Variants in HERC2 observed in about 807,000 individuals in gnomAD.
HERC2 encodes E3 ubiquitin-protein ligase HERC2.
Under a neutral mutation model 537.7 loss-of-function variants are expected in HERC2, and 102 were observed. That is an observed-to-expected ratio of 0.19 (90% CI 0.16 to 0.22). HERC2 has a LOEUF of 0.22. Ranked by LOEUF, HERC2 falls within the 10% of genes least tolerant of loss-of-function variation. HERC2 has a pLI of 1.00. For missense variants in HERC2, 4,236 were observed against 6,198.2 expected, an observed-to-expected ratio of 0.68 and a Z score of 10.63; for synonymous variants, 2,224 against 2,466.2, an observed-to-expected ratio of 0.90 and a Z score of 2.91.
Position 28,265,108 on chromosome 15 carries a change from C to G in HERC2, c.1870+510G>C, listed in dbSNP as rs2075525318. Among the ~76,000 whole-genome samples, 1 of 152,090 alleles carries G rather than the reference C, an allele frequency of 6.6e-6. No individual in the cohort carries two copies. The highest frequency in any genetic ancestry group is 2.4e-5 in the African/African-American group (1 of 41,436). ...ACACAAGATGCCAAGGACAGACCACCACAATACTGAAAGACGAGTCATTTC... is the reference window on the plus strand; with the variant it reads ...ACACAAGATGCCAAGGACAGACCACGACAATACTGAAAGACGAGTCATTTC... On this transcript the variant is annotated intron_variant, in intron 14 of 92. Coordinates refer to ENST00000261609, the MANE Select transcript of HERC2 (RefSeq NM_004667.6). This position sits in a 1 kb window ranked among gnomAD's most constrained non-coding sequence, Gnocchi z 4.0.
Position 28,229,869 on chromosome 15 carries a change from C to A in HERC2, c.4810-22G>T, listed in dbSNP as rs760268254. The A allele has an allele frequency of 1.1e-5, 9 of 841,722 alleles. No individual in the cohort carries two copies. The African/African-American group carries it at 1.3e-4, about 13-fold the overall frequency. 52.1% of individuals were successfully genotyped at this position (841,722 alleles called of 1,614,324 possible). ...TGTCCTAACAAAGGAAAACAATTTT[C>A]ATCATTAGTCTACCCTATTTAATAA... On this transcript the variant is annotated intron_variant, in intron 31 of 92. Transcript: ENST00000261609.
At chr15:28,317,699 C>G (rs1285511871) in intron 2 of HERC2, among the ~76,000 whole-genome samples, 1 of 152,176 alleles carries the variant, frequency 6.6e-6, no homozygotes, top group Non-Finnish European at 1.5e-5. Flanking sequence ...TGAAACAGTT[C>G]TGCATAGGAA....
intron 85 of HERC2, among the ~76,000 whole-genome samples, chr15:28,121,663 C>G (rs961592690): frequency 2.0e-5 from 3 of 152,190 alleles, no homozygotes; most frequent in African/African-American, 7.2e-5. Context: ...GCAGGTCCCT[C>G]AGGAAACTAC....
At chr15:28,271,535 G>C (rs1305271029) in intron 9 of HERC2, among the ~76,000 whole-genome samples, 1 of 152,082 alleles carries the variant, frequency 6.6e-6, no homozygotes, top group Non-Finnish European at 1.5e-5. Flanking sequence ...TGGGCTTGGT[G>C]GTGGGCGCCT....
chr15:28,174,301 T>C (rs1414056490), intron 65 of HERC2, 94 bp downstream of exon 65: 2 of 903,610 alleles, frequency 2.2e-6, no homozygotes, highest in African/African-American at 3.4e-5. Context: ...AACATGGCAC[T>C]ACAACCTCTA....
intron 83 of HERC2, among the ~76,000 whole-genome samples, chr15:28,127,781 C>A (rs1370965300): frequency 6.6e-6 from 1 of 152,034 alleles, no homozygotes; most frequent in Non-Finnish European, 1.5e-5. Flanking sequence ...GCAGAGCCAG[C>A]CAAATAGAGC....
chr15:28,297,920 G>A (rs536799635), intron 3 of HERC2, among the ~76,000 whole-genome samples: 2 of 148,828 alleles, frequency 1.3e-5, no homozygotes, highest in African/African-American at 5.0e-5. Context: ...ACGGTGGATG[G>A]ACAGACAGCA....
At chr15:28,321,737 C>T (rs2595850) in intron 1 of HERC2, among the ~76,000 whole-genome samples, 5 of 133,340 alleles carry the variant, frequency 3.7e-5, no homozygotes, top group Middle Eastern at 3.7e-3. Flanking sequence ...GAAGCCAAGT[C>T]ACAATGTCAT....
At chr15:28,282,749 T>C (rs1156471954) in intron 4 of HERC2, among the ~76,000 whole-genome samples, 1 of 152,046 alleles carries the variant, frequency 6.6e-6, no homozygotes, top group African/African-American at 2.4e-5. Context: ...CTGGCCAACA[T>C]GGTGAAACCT....
At chr15:28,289,431 C>G (rs906946109) in intron 4 of HERC2, among the ~76,000 whole-genome samples, 1 of 152,096 alleles carries the variant, frequency 6.6e-6, no homozygotes, top group African/African-American at 2.4e-5. Context: ...GAAGCAAAAC[C>G]TGCAGAGCTG....
intron 2 of HERC2, among the ~76,000 whole-genome samples, chr15:28,308,245 T>A (rs1017152366): frequency 7.2e-5 from 11 of 152,150 alleles, no homozygotes; most frequent in African/African-American, 2.7e-4. Context: ...CGTTTTAGAG[T>A]TTTCATTACA....
chr15:28,202,084 G>T, intron 47 of HERC2, 29 bp downstream of exon 47: 1 of 1,255,248 alleles, frequency 8.0e-7, no homozygotes, highest in Non-Finnish European at 1.1e-6. Flanking sequence ...AGCGGCCCAG[G>T]TGCGGGCGGT....
chr15:28,297,571 A>T (rs2076503320), intron 3 of HERC2, among the ~76,000 whole-genome samples: 1 of 152,180 alleles, frequency 6.6e-6, no homozygotes. Context: ...AAAACATGAA[A>T]ATCAAAAGCA....
chr15:28,279,991 C>A, intron 5 of HERC2, 77 bp downstream of exon 5: 2 of 1,181,724 alleles, frequency 1.7e-6, no homozygotes, highest in East Asian at 2.4e-5. Flanking sequence ...TATTGAAAAC[C>A]TTAAACTTTC....
chr15:28,271,782 G>A (rs1370096258), intron 9 of HERC2, among the ~76,000 whole-genome samples: 2 of 152,192 alleles, frequency 1.3e-5, no homozygotes, highest in Non-Finnish European at 2.9e-5. Flanking sequence ...GACATGTAAA[G>A]ACCAGCAGTC....
intron 65 of HERC2, 98 bp downstream of exon 65, chr15:28,174,297 G>T: frequency 1.2e-6 from 1 of 820,434 alleles, no homozygotes; most frequent in Non-Finnish European, 1.9e-6. Flanking sequence ...AGTTAACATG[G>T]CACTACAACC....
intron 26 of HERC2, among the ~76,000 whole-genome samples, chr15:28,235,839 T>C (rs1372202327): frequency 6.6e-6 from 1 of 152,024 alleles, no homozygotes; most frequent in Non-Finnish European, 1.5e-5. Context: ...CAGGCAACTG[T>C]TCAACAGAAG....
At chr15:28,132,484 C>A (rs959109446) in intron 80 of HERC2, among the ~76,000 whole-genome samples, 169 bp downstream of exon 80, 1 of 152,204 alleles carries the variant, frequency 6.6e-6, no homozygotes. Context: ...TTTGATGAGC[C>A]AACCCTACAT....
chr15:28,253,767 G>T (rs538326668), intron 20 of HERC2, among the ~76,000 whole-genome samples: 1 of 152,152 alleles, frequency 6.6e-6, no homozygotes, highest in African/African-American at 2.4e-5. Context: ...TTTGAGACCA[G>T]CCTGACCAAT....
Sources: gnomAD v4.1 joint callset for allele counts (sites outside exome capture counted in the v4.1 genomes callset) on GRCh38, gnomAD v4.1.1 for gene constraint, Gnocchi (gnomAD v3.1) non-coding constraint, MANE v1.5 for transcripts, NCBI Gene and HGNC (gene_info 2026-07-23, HGNC 2026-07-21) for gene names.